The following XPO4 variants were observed in gnomAD, a reference collection of about 807,000 sequenced individuals.
XPO4 encodes exportin-4.
A neutral mutation model predicts 143.0 loss-of-function variants in XPO4; 39 were observed. The ratio of observed to expected loss-of-function variants is 0.27; its 90% confidence interval spans 0.21 to 0.36. The LOEUF (loss-of-function observed/expected upper bound fraction) is 0.36, where lower values mean the gene tolerates loss of function less well. Among genes scored for constraint, XPO4 ranks in the 10% least tolerant of loss-of-function variants. XPO4 has a pLI of 1.00. For missense variants in XPO4, 907 were observed against 1,348.0 expected (o/e 0.67, Z 5.12); for synonymous variants, 439 against 474.0 (o/e 0.93, Z 0.96).
chr13:20,843,634 T>C (rs1016880795), intron 5 of XPO4, 136 bp downstream of exon 5: 55 of 643,564 alleles, frequency 8.5e-5, no homozygotes, highest in Non-Finnish European at 1.4e-4. Context: ...CTATATCCTT[T>C]GAAATCACAA....
In XPO4 at chr13:20,862,138, G is replaced by T. The variant is rs117907225; in HGVS notation, c.317+579C>A. Among the ~76,000 whole-genome samples the T allele has an allele frequency of 1.5e-3, 230 of 152,084 alleles. 4 individuals carry two copies. The East Asian group carries it at 0.042, about 27-fold the overall frequency. ...ATATGTAACATTTGATTTGTTAGTG[G>T]TACTTAGCTTCTTCCCTCTCCCCTG... On this transcript the variant is annotated intron_variant, in intron 3 of 22. Coordinates refer to ENST00000255305, the MANE Select transcript of XPO4 (RefSeq NM_022459.5).
intron 8 of XPO4, 29 bp downstream of exon 8, chr13:20,822,103 T>C (rs1430229245): frequency 6.4e-7 from 1 of 1,574,488 alleles, no homozygotes; most frequent in Non-Finnish European, 8.6e-7. Flanking sequence ...AGAGCTCCTT[T>C]TTCAGCTGCA....
chr13:20,853,171 A>C (rs2060106698), intron 4 of XPO4: 1 of 391,736 alleles, frequency 2.6e-6, no homozygotes, highest in African/African-American at 2.2e-5. Context: ...TCGCTACAAA[A>C]AAACTTTAAA....
intron 4 of XPO4, chr13:20,853,133 C>A (rs112919228): frequency 4.3e-6 from 3 of 703,508 alleles, no homozygotes; most frequent in Non-Finnish European, 5.2e-6. Context: ...GAGTTCGAGA[C>A]CAGCCTAGGC....
At chr13:20,892,244 G>T (rs1363667823) in intron 1 of XPO4, among the ~76,000 whole-genome samples, 1 of 151,968 alleles carries the variant, frequency 6.6e-6, no homozygotes, top group Non-Finnish European at 1.5e-5. Flanking sequence ...GCACCACCAT[G>T]CCTGGCTAAT....
At chr13:20,838,674 T>G (rs1210831602) in intron 6 of XPO4, among the ~76,000 whole-genome samples, 2 of 148,550 alleles carry the variant, frequency 1.3e-5, no homozygotes, top group Non-Finnish European at 3.0e-5. Flanking sequence ...CAGGCTGGAG[T>G]GCAGTGGTGT....
intron 4 of XPO4, chr13:20,852,646 A>T (rs1285977300): frequency 1.0e-6 from 1 of 965,218 alleles, no homozygotes; most frequent in Non-Finnish European, 1.2e-6. Context: ...ATAACATTTA[A>T]ATAATGATTA....
chr13:20,853,834 A>G (rs1566608470), intron 4 of XPO4, among the ~76,000 whole-genome samples: 1 of 152,238 alleles, frequency 6.6e-6, no homozygotes, highest in Non-Finnish European at 1.5e-5. Flanking sequence ...ACCAACTGCC[A>G]CAAGTGGCCA....
At chr13:20,797,615 G>A (rs2059375420) in intron 16 of XPO4, among the ~76,000 whole-genome samples, 1 of 152,136 alleles carries the variant, frequency 6.6e-6, no homozygotes, top group Non-Finnish European at 1.5e-5. Flanking sequence ...TACTTAGTCA[G>A]TCTGGTTTCC....
At position 20,783,488 on chromosome 13, in the gene XPO4, C is replaced by T. The variant is rs2059164169; in HGVS notation, c.*234G>A. 1.9e-6 allele frequency: 1 copy of T among 532,182 alleles called. No individual in the cohort carries two copies. The highest frequency in any genetic ancestry group is 3.3e-6 in the Non-Finnish European group (1 of 300,386). The allele number at this position is 532,182 out of a possible 1,614,324, so 33.0% of individuals were successfully genotyped here. ...TTTCATTTTGAAAATTTTAAATCAC[C>T]ATTCAGAATCTAAAAGACATATATA... is the stretch of plus-strand genomic sequence containing the variant. On this transcript the variant is annotated 3_prime_UTR_variant, in exon 23 of 23. Coordinates refer to ENST00000255305, the MANE Select transcript of XPO4 (RefSeq NM_022459.5).
intron 1 of XPO4, among the ~76,000 whole-genome samples, chr13:20,879,503 T>C (rs563174688): frequency 1.0e-3 from 156 of 152,322 alleles, no homozygotes; most frequent in Non-Finnish European, 1.8e-3. Flanking sequence ...GTGTTGTCTA[T>C]GTACCTAGGC....
chr13:20,855,240 G>A (rs572151547), intron 4 of XPO4, among the ~76,000 whole-genome samples: 1 of 152,158 alleles, frequency 6.6e-6, no homozygotes, highest in South Asian at 2.1e-4. Context: ...CGGATCACCT[G>A]AGGTCGGGAG....
At position 20,821,726 on chromosome 13, in the gene XPO4, C is replaced by T. The variant is rs770786099; in HGVS notation, c.1151G>A (p.Arg384Gln). The T allele has an allele frequency of 1.1e-5, 18 of 1,613,036 alleles. No individual in the cohort carries two copies. Among genetic ancestry groups the T allele is most frequent in the South Asian group, 8.8e-5 (8 of 90,850 alleles). Reference sequence around the variant, plus strand: ...CACCACTTCTTCCAATGCAGCACTTCGCCCAAAAGAACAAGTGAGGTGTGT... The same window carrying T: ...CACCACTTCTTCCAATGCAGCACTTTGCCCAAAAGAACAAGTGAGGTGTGT... The part of the protein sequence containing the change: ...CLTHLTCSFG[R>Q]SAALEEVLDK... Residue 384 changes from arginine to glutamine, a missense_variant, in exon 9 of 23, where the codon CGA (arginine) becomes CAA (glutamine). Transcript: ENST00000255305.
At position 20,892,897 on chromosome 13, in the gene XPO4, A is replaced by AT. The variant is rs201289662; in HGVS notation, c.69+9772_69+9773insA. On this transcript the variant is annotated intron_variant, in intron 1 of 22. Coordinates refer to ENST00000255305, the MANE Select transcript of XPO4 (RefSeq NM_022459.5). ...CTCCAAAAAGTAAAAAATAAAAAAAAAAAAATAAAAGAACTACACTGTTAT... is the reference window on the plus strand; with the variant it reads ...CTCCAAAAAGTAAAAAATAAAAAAAATAAAAATAAAAGAACTACACTGTTAT... 1.0e-2 allele frequency among the ~76,000 whole-genome samples: 1,514 copies of AT among 151,932 alleles called. 10 individuals carry two copies. The highest frequency in any genetic ancestry group is 0.017 in the Middle Eastern group (5 of 294).
At position 20,799,166 on chromosome 13, in the gene XPO4, T is replaced by C; in HGVS notation, c.2321A>G (p.Glu774Gly). The change falls in exon 16 of 23, where the codon GAG (glutamate) becomes GGG (glycine). Residue 774 changes from glutamate (E) to glycine (G), a missense_variant and splice_region_variant. Transcript: ENST00000255305. ...DTETKQQYWT[E>G]VLQPLQQRFL... ...AATCAAAATAGACAGCACTGTTACC[T>C]CTGTCCAATACTGCTGTTTGGTTTC... The C allele has an allele frequency of 1.3e-6, 2 of 1,590,836 alleles. No homozygotes were observed. The highest frequency in any genetic ancestry group is 1.7e-6 in the Non-Finnish European group (2 of 1,164,536).
At chr13:20,888,411 T>C (rs2060480764) in intron 1 of XPO4, among the ~76,000 whole-genome samples, 1 of 152,162 alleles carries the variant, frequency 6.6e-6, no homozygotes, top group East Asian at 1.9e-4. Flanking sequence ...AGTGCAGTGT[T>C]GTAATCATAC....
At chr13:20,885,787 T>C (rs958651635) in intron 1 of XPO4, among the ~76,000 whole-genome samples, 5 of 150,126 alleles carry the variant, frequency 3.3e-5, no homozygotes, top group Admixed American at 6.7e-5. Flanking sequence ...AAACAATTTT[T>C]AAAATAACAA....
chr13:20,859,112 G>C (rs960044250), intron 3 of XPO4, among the ~76,000 whole-genome samples: 1 of 150,778 alleles, frequency 6.6e-6, no homozygotes, highest in Non-Finnish European at 1.5e-5. Flanking sequence ...CAGGAGGACT[G>C]TTTGAGCTCA....
At chr13:20,872,454 C>G (rs1461551786) in intron 1 of XPO4, among the ~76,000 whole-genome samples, 1 of 152,168 alleles carries the variant, frequency 6.6e-6, no homozygotes, top group African/African-American at 2.4e-5. Flanking sequence ...CTTTATTTCT[C>G]TCTAAATTCC....
Sources: gnomAD v4.1 joint callset for allele counts (sites outside exome capture counted in the v4.1 genomes callset) on GRCh38, gnomAD v4.1.1 for gene constraint, MANE v1.5 for transcripts, NCBI Gene and HGNC (gene_info 2026-07-23, HGNC 2026-07-21) for gene names.